UIMC1: variants seen among roughly 807,000 people sequenced by gnomAD.
The protein encoded by UIMC1 is ubiquitin interaction motif containing 1.
UIMC1 carries 42 observed loss-of-function variants against 84.9 expected under a neutral mutation model. That is an observed-to-expected ratio of 0.49 (90% CI 0.39 to 0.64). The LOEUF (loss-of-function observed/expected upper bound fraction) is 0.64, where lower values mean the gene tolerates loss of function less well. Ranked by LOEUF, UIMC1 falls within the 30% of genes least tolerant of loss-of-function variation. The pLI is 0.00. For synonymous variants in UIMC1, 281 were observed against 293.0 expected (o/e 0.96, Z 0.42); for missense variants, 825 against 847.6 (o/e 0.97, Z 0.33).
chr5:176,961,960 C>A (rs1380494705), intron 6 of UIMC1, among the ~76,000 whole-genome samples: 1 of 69,046 alleles, frequency 1.4e-5, no homozygotes, highest in African/African-American at 6.4e-5. Context: ...CGGCCCCCCG[C>A]CCGGCCAGCC....
chr5:176,920,822 G>A (rs1053397331), intron 10 of UIMC1, among the ~76,000 whole-genome samples: 5 of 152,180 alleles, frequency 3.3e-5, no homozygotes, highest in African/African-American at 1.2e-4. Context: ...CACGTTGAAT[G>A]GAAGTGGCAA....
chr5:176,967,824 A>G (rs1187471609), intron 6 of UIMC1, among the ~76,000 whole-genome samples: 2 of 151,786 alleles, frequency 1.3e-5, no homozygotes, highest in African/African-American at 4.8e-5. Flanking sequence ...GGATCGCTTG[A>G]TCCCAGAGGT....
chr5:176,917,477 C>T (rs1291866235), intron 10 of UIMC1, among the ~76,000 whole-genome samples: 1 of 152,122 alleles, frequency 6.6e-6, no homozygotes, highest in East Asian at 1.9e-4. Flanking sequence ...GAGGTTAAGG[C>T]AGGAGAACTG....
chr5:176,946,053 T>C (rs1035219039), intron 9 of UIMC1, among the ~76,000 whole-genome samples: 26 of 152,272 alleles, frequency 1.7e-4, no homozygotes, highest in African/African-American at 6.0e-4. Context: ...CATAATCAAA[T>C]GGCCCTAAAT....
chr5:177,022,434 A>G, intron 1 of UIMC1: 1 of 347,834 alleles, frequency 2.9e-6, no homozygotes, highest in Non-Finnish European at 5.2e-6. Context: ...CGGGACCTTG[A>G]GAACGAAATG....
intron 3 of UIMC1, among the ~76,000 whole-genome samples, chr5:176,973,860 C>A (rs545664914): frequency 1.3e-5 from 2 of 152,034 alleles, no homozygotes; most frequent in Admixed American, 1.3e-4. Flanking sequence ...CCACTGCATT[C>A]CAACCTGGAC....
chr5:176,943,019 G>A (rs931895500), intron 10 of UIMC1, among the ~76,000 whole-genome samples: 2 of 152,052 alleles, frequency 1.3e-5, no homozygotes, highest in Non-Finnish European at 2.9e-5. Flanking sequence ...CCAAGATCGC[G>A]CCACTGCAAT....
intron 10 of UIMC1, among the ~76,000 whole-genome samples, chr5:176,916,607 A>G (rs1404307995): frequency 6.6e-6 from 1 of 152,232 alleles, no homozygotes; most frequent in Admixed American, 6.5e-5. Context: ...GCTAACAATC[A>G]TATCAGATAC....
chr5:176,969,249 T>A lies in UIMC1; in HGVS notation c.506A>T (p.His169Leu), dbSNP rs774198968. 3 of 1,614,172 alleles carry A rather than the reference T, an allele frequency of 1.9e-6. No homozygotes were observed. The South Asian group carries it at 3.3e-5, about 18-fold the overall frequency. ...LVPPSLFKGS[H>L]ISQGNEAEER... ...CTCAGCCTCGTTTCCCTGACTGATA[T>A]GTGAGCCTTTAAACAGTGATGGAGG... Residue 169 changes from histidine to leucine, a missense_variant, in exon 6 of 15, where the codon CAT becomes CTT. By Grantham distance (99) the His-to-Leu change is moderately conservative. Coordinates refer to ENST00000511320, the MANE Select transcript of UIMC1 (RefSeq NM_001199298.2).
chr5:176,905,091 G>C lies in UIMC1; in HGVS notation c.*191C>G, dbSNP rs1759180920. On this transcript the variant is annotated 3_prime_UTR_variant, in exon 15 of 15. Transcript: ENST00000511320. ...AACTGTAAGTAAATTCAAACAAACT[G>C]TTATAAAACAGAATACACAGTTGTC... 1.9e-6 allele frequency: 1 copy of C among 513,888 alleles called. No homozygotes were observed. Among genetic ancestry groups the C allele is most frequent in the Non-Finnish European group, 3.4e-6 (1 of 296,074 alleles). 31.8% of individuals were successfully genotyped at this position (513,888 alleles called of 1,614,324 possible).
rs1382074550 is a variant in UIMC1, at chr5:176,980,748, ATTGTT to A, written c.147+1716_147+1720del. 1.6e-4 allele frequency among the ~76,000 whole-genome samples: 24 copies of A among 152,032 alleles called. No individual in the cohort carries two copies. In the East Asian group the frequency reaches 4.2e-3, roughly 27 times the overall value. ...ATTAAGATGATATCCAAGTAATACAATTGTTTTGTTTTCTTTCTGTTTTAGATGGA... is the reference window on the plus strand; with the variant it reads ...ATTAAGATGATATCCAAGTAATACAATTGTTTTCTTTCTGTTTTAGATGGA... On this transcript the variant is annotated intron_variant, in intron 2 of 14. Coordinates refer to ENST00000511320, the MANE Select transcript of UIMC1 (RefSeq NM_001199298.2).
chr5:176,957,777 G>A (rs1292114264), intron 7 of UIMC1, among the ~76,000 whole-genome samples: 1 of 152,216 alleles, frequency 6.6e-6, no homozygotes, highest in Non-Finnish European at 1.5e-5. Context: ...AATTGGCATA[G>A]AAAACTAGTG....
At chr5:176,972,020 G>A (rs1769314539) in intron 3 of UIMC1, among the ~76,000 whole-genome samples, 2 of 152,190 alleles carry the variant, frequency 1.3e-5, no homozygotes, top group Non-Finnish European at 1.5e-5. Flanking sequence ...TTTGAAAACT[G>A]ATAAAATAAT....
intron 10 of UIMC1, among the ~76,000 whole-genome samples, chr5:176,914,039 C>CCATACCATACCAT (rs1554106263): frequency 7.1e-6 from 1 of 139,882 alleles, no homozygotes; most frequent in African/African-American, 2.8e-5. Flanking sequence ...CCATACCATA[C>CCATACCATACCAT]ACCATACCAT....
At chr5:176,912,450 A>G (rs1331978248) in intron 10 of UIMC1, among the ~76,000 whole-genome samples, 3 of 150,604 alleles carry the variant, frequency 2.0e-5, no homozygotes, top group Admixed American at 6.6e-5. Context: ...CTGACAAGTA[A>G]TGATACAGTC....
chr5:176,942,852 C>A (rs1259674517), intron 10 of UIMC1, among the ~76,000 whole-genome samples: 1 of 151,080 alleles, frequency 6.6e-6, no homozygotes, highest in African/African-American at 2.4e-5. Flanking sequence ...GTCATGAGTT[C>A]GAGAGCAGCC....
At position 177,013,359 on chromosome 5, in the gene UIMC1, C is replaced by T. The variant is rs547742443; in HGVS notation, c.-9+9105G>A. ...CTGGACAACAGAGCAAGACTGCATCCAAACACACACACACACACACACACA... is the reference window on the plus strand; with the variant it reads ...CTGGACAACAGAGCAAGACTGCATCTAAACACACACACACACACACACACA... On this transcript the variant is annotated intron_variant, in intron 1 of 5. Transcript: ENST00000509236. Among the ~76,000 whole-genome samples, 9 of 124,740 alleles carry T rather than the reference C, an allele frequency of 7.2e-5. No individual in the cohort carries two copies. In the East Asian group the frequency reaches 2.7e-3, roughly 38 times the overall value. The allele number at this position is 124,740 out of a possible 152,430, so 81.8% of individuals were successfully genotyped here.
intron 1 of UIMC1, among the ~76,000 whole-genome samples, chr5:176,995,537 C>CAAAAAAA (rs57521139): frequency 2.7e-5 from 1 of 36,552 alleles, no homozygotes; most frequent in Non-Finnish European, 5.3e-5. Context: ...ACTCTGTCTC[C>CAAAAAAA]AAAAAAAAAA....
At chr5:176,913,318 G>A (rs1445730156) in intron 10 of UIMC1, among the ~76,000 whole-genome samples, 1 of 152,122 alleles carries the variant, frequency 6.6e-6, no homozygotes, top group Non-Finnish European at 1.5e-5. Flanking sequence ...TAATGGTATG[G>A]AAATAAACTA....
Sources: allele counts gnomAD v4.1 joint callset (sites outside exome capture counted in the v4.1 genomes callset), GRCh38; gene constraint gnomAD v4.1.1; transcripts MANE v1.5; gene names NCBI Gene and HGNC (gene_info 2026-07-23, HGNC 2026-07-21).